MALRD1: variants seen among roughly 807,000 people sequenced by gnomAD.
MALRD1 encodes MAM and LDL-receptor class A domain-containing protein 1.
Under a neutral mutation model 242.1 loss-of-function variants are expected in MALRD1, and 247 were observed. That is an observed-to-expected ratio of 1.02 (90% CI 0.92 to 1.13). The LOEUF (loss-of-function observed/expected upper bound fraction) is 1.13, where lower values mean the gene tolerates loss of function less well. Ranked by LOEUF, MALRD1 falls within the 50% of genes most tolerant of loss-of-function variation. MALRD1 has a pLI of 0.00. For missense variants in MALRD1, 2,989 were observed against 2,533.1 expected (o/e 1.18, Z -3.86); for synonymous variants, 995 against 866.6 (o/e 1.15, Z -2.60).
intron 36 of MALRD1, among the ~76,000 whole-genome samples, chr10:19,617,821 T>C (rs895721144): frequency 2.0e-5 from 3 of 152,200 alleles, no homozygotes; most frequent in Admixed American, 6.6e-5. Context: ...AGTTTACTTA[T>C]GTAACAAACC....
intron 14 of MALRD1, among the ~76,000 whole-genome samples, chr10:19,200,645 G>GTGTTTTT (rs1836480722): frequency 1.0e-4 from 7 of 69,450 alleles, no homozygotes; most frequent in African/African-American, 4.1e-4. Flanking sequence ...CCTGCTTGAG[G>GTGTTTTT]TTTTTTTTTT....
intron 32 of MALRD1, among the ~76,000 whole-genome samples, chr10:19,563,909 G>A (rs10827575): frequency 1.3e-5 from 2 of 151,880 alleles, no homozygotes; most frequent in Admixed American, 1.3e-4. Flanking sequence ...CACAAAATCT[G>A]GTTGTTGTAA....
chr10:19,136,508 C>A, intron 9 of MALRD1, 66 bp from the exon 10 acceptor site: 2 of 915,244 alleles, frequency 2.2e-6, no homozygotes, highest in Non-Finnish European at 2.9e-6. Flanking sequence ...CTTTATCAAC[C>A]TTCTTTAGTT....
intron 34 of MALRD1, among the ~76,000 whole-genome samples, chr10:19,603,222 C>G (rs967712679): frequency 2.0e-5 from 3 of 152,086 alleles, no homozygotes; most frequent in Non-Finnish European, 4.4e-5. Context: ...TCAATTTTGG[C>G]TTTTGTTGTC....
intron 12 of MALRD1, among the ~76,000 whole-genome samples, chr10:19,162,151 T>C (rs1834458737): frequency 1.3e-5 from 2 of 152,346 alleles, no homozygotes; most frequent in African/African-American, 2.4e-5. Flanking sequence ...ATTTTCACGA[T>C]TTTGTAGTTA....
intron 35 of MALRD1, among the ~76,000 whole-genome samples, chr10:19,612,945 A>T (rs1838967127): frequency 6.6e-6 from 1 of 152,024 alleles, no homozygotes; most frequent in Non-Finnish European, 1.5e-5. Context: ...CACAGAACCA[A>T]ACCTTATCAC....
chr10:19,129,053 T>C (rs909327232), intron 8 of MALRD1, among the ~76,000 whole-genome samples: 10 of 152,130 alleles, frequency 6.6e-5, no homozygotes, highest in African/African-American at 2.4e-4. Context: ...ATGTTTTTTT[T>C]CCAACACAGC....
intron 1 of MALRD1, among the ~76,000 whole-genome samples, chr10:19,055,501 AT>A (rs1834636611): frequency 6.6e-6 from 1 of 152,158 alleles, no homozygotes; most frequent in African/African-American, 2.4e-5. Context: ...GCTTTTCTCC[AT>A]CTTTGCTTTT....
intron 13 of MALRD1, among the ~76,000 whole-genome samples, chr10:19,167,148 A>G (rs998624287): frequency 1.4e-4 from 21 of 152,090 alleles, no homozygotes; most frequent in African/African-American, 5.1e-4. Flanking sequence ...TCACGAGATC[A>G]GGAGATCGAG....
intron 29 of MALRD1, among the ~76,000 whole-genome samples, chr10:19,461,269 C>G (rs1259323645): frequency 1.3e-5 from 2 of 152,064 alleles, no homozygotes; most frequent in Non-Finnish European, 2.9e-5. Context: ...GGAAAGTTGT[C>G]TCAGAGGAAC....
chr10:19,288,074 A>T (rs2496064), intron 21 of MALRD1, among the ~76,000 whole-genome samples: 64,712 of 147,218 alleles, frequency 0.44, 13,819 homozygotes, highest in South Asian at 0.56. Context: ...TCTTTTTTTT[A>T]TTAGTTTTAA....
intron 5 of MALRD1, among the ~76,000 whole-genome samples, chr10:19,111,483 G>T (rs1390920573): frequency 6.6e-6 from 1 of 152,138 alleles, no homozygotes; most frequent in Non-Finnish European, 1.5e-5. Context: ...GACTGGAGAG[G>T]AGGACTTTGA....
intron 29 of MALRD1, among the ~76,000 whole-genome samples, chr10:19,482,941 T>C (rs573189126): frequency 1.8e-4 from 27 of 152,030 alleles, no homozygotes; most frequent in Admixed American, 1.6e-3. Context: ...TAGAAAACAC[T>C]ATCCTAAAAT....
At chr10:19,340,292 A>T (rs1843789068) in intron 24 of MALRD1, among the ~76,000 whole-genome samples, 2 of 151,942 alleles carry the variant, frequency 1.3e-5, no homozygotes, top group Admixed American at 1.3e-4. Context: ...TCTTTTAGTT[A>T]TTTTAAAATG....
intron 5 of MALRD1, among the ~76,000 whole-genome samples, chr10:19,120,060 G>T (rs969882061): frequency 1.4e-4 from 21 of 152,102 alleles, no homozygotes; most frequent in African/African-American, 4.1e-4. Context: ...TGGGCCTGAG[G>T]TATAATTTTA....
intron 28 of MALRD1, among the ~76,000 whole-genome samples, chr10:19,421,157 A>G (rs1833705396): frequency 6.6e-6 from 1 of 152,180 alleles, no homozygotes; most frequent in Non-Finnish European, 1.5e-5. Flanking sequence ...CAAAACAACA[A>G]TACCTGATGT....
chr10:19,284,479 C>T (rs1390274695), intron 21 of MALRD1, among the ~76,000 whole-genome samples: 3 of 145,824 alleles, frequency 2.1e-5, no homozygotes, highest in African/African-American at 7.6e-5. Context: ...TCAATTCCCA[C>T]CTATGAGTGA....
At chr10:19,609,149 C>T (rs1838771826) in intron 35 of MALRD1, among the ~76,000 whole-genome samples, 2 of 151,902 alleles carry the variant, frequency 1.3e-5, no homozygotes, top group African/African-American at 4.8e-5. Context: ...TCATTCATAC[C>T]CAGCCATAGA....
chr10:19,246,718 C>A (rs1218933330), intron 18 of MALRD1, among the ~76,000 whole-genome samples: 1 of 152,046 alleles, frequency 6.6e-6, no homozygotes, highest in Non-Finnish European at 1.5e-5. Context: ...TGTTGAGCTG[C>A]CAGATAATGC....
Sources: gnomAD v4.1 joint callset for allele counts (sites outside exome capture counted in the v4.1 genomes callset) on GRCh38, gnomAD v4.1.1 for gene constraint, MANE v1.5 for transcripts, NCBI Gene and HGNC (gene_info 2026-07-23, HGNC 2026-07-21) for gene names.